ZNF519: variants seen among roughly 807,000 people sequenced by gnomAD.
The protein encoded by ZNF519 is zinc finger protein 519, also known as similar to Zinc finger protein 85 (Zinc finger protein HPF4) (HTF1).
In ZNF519, 7 loss-of-function variants were observed where a neutral mutation model predicts 7.4. The ratio of observed to expected loss-of-function variants is 0.94; its 90% CI spans 0.54 to 1.77. ZNF519 has a LOEUF of 1.77. Among genes scored for constraint, ZNF519 ranks in the 40% most tolerant of loss-of-function variants. The pLI, the probability that ZNF519 is intolerant of heterozygous loss-of-function variation, is 0.00. For synonymous variants in ZNF519, 179 were observed against 203.3 expected, an observed-to-expected ratio of 0.88 and a Z score of 1.02; for missense variants, 586 against 623.1, an observed-to-expected ratio of 0.94 and a Z score of 0.63.
In ZNF519 at chr18:14,077,901, A is replaced by G. The variant is rs1204132140; in HGVS notation, c.*276+299T>C. 3.9e-5 allele frequency among the ~76,000 whole-genome samples: 6 copies of G among 152,192 alleles called. No homozygotes were observed. The South Asian group carries it at 1.2e-3, about 32-fold the overall frequency. Reference sequence around the variant, plus strand: ...CAATAGACTGGTAAAGAATGTATCAATAGGTTACGGTGCAAATAGGCAGTC... The same window carrying G: ...CAATAGACTGGTAAAGAATGTATCAGTAGGTTACGGTGCAAATAGGCAGTC... On this transcript the variant is annotated intron_variant and NMD_transcript_variant, in intron 4 of 4. Transcript: ENST00000587419.
intron 2 of ZNF519, among the ~76,000 whole-genome samples, chr18:14,115,807 C>T (rs1156754189): frequency 6.6e-6 from 1 of 152,066 alleles, no homozygotes; most frequent in Non-Finnish European, 1.5e-5. Flanking sequence ...CACAAAAAGA[C>T]AAATACTATA....
chr18:14,117,187 G>T (rs2046250203), intron 2 of ZNF519, among the ~76,000 whole-genome samples: 1 of 152,086 alleles, frequency 6.6e-6, no homozygotes, highest in African/African-American at 2.4e-5. Flanking sequence ...AAAAAAAATT[G>T]TATGTTTGAC....
In ZNF519 at chr18:14,105,555, A is replaced by T. The variant is rs376906490; in HGVS notation, c.985T>A (p.Phe329Ile). The change falls in exon 3 of 3, where the codon TTT becomes ATT. Residue 329 changes from phenylalanine to isoleucine, a missense_variant. Coordinates refer to ENST00000590202, the MANE Select transcript of ZNF519 (RefSeq NM_145287.4). Reference protein sequence around the residue: ...PFKCKECGKAFNRGSYLTQHQ... With the variant: ...PFKCKECGKAINRGSYLTQHQ... ...TGAGTAAGGTATGAGCCTCTGTTAAAAGCTTTGCCACATTCCTTACACTTG... is the reference window on the plus strand; with the variant it reads ...TGAGTAAGGTATGAGCCTCTGTTAATAGCTTTGCCACATTCCTTACACTTG... The T allele has an allele frequency of 1.2e-6, 2 of 1,614,062 alleles. No homozygotes were observed. Among genetic ancestry groups the T allele is most frequent in the Non-Finnish European group, 1.7e-6 (2 of 1,180,004 alleles).
chr18:14,124,355 G>C lies in ZNF519; in HGVS notation c.125C>G (p.Ser42Cys), dbSNP rs201198742. The change falls in exon 2 of 3, where the codon TCC (serine) becomes TGC (cysteine). Residue 42 changes from serine (S) to cysteine (C), a missense_variant. By Grantham distance (112) the Ser-to-Cys change is moderately radical. Transcript: ENST00000590202. ...VMLENYRNLV[S>C]LAVYSYYNQG... ...TGTATTGAAGTTATTCTCACCCAGG[G>C]AGACGAGGTTTCTGTAGTTCTCCAA... The C allele has an allele frequency of 5.4e-5, 87 of 1,602,862 alleles. No individual in the cohort carries two copies. The highest frequency in any genetic ancestry group is 1.7e-4 in the Middle Eastern group (1 of 6,034).
At chr18:14,084,124 T>C (rs1372114443) in intron 3 of ZNF519, 2 of 152,036 alleles carry the variant, frequency 1.3e-5, no homozygotes, top group Non-Finnish European at 2.9e-5. Context: ...CATTGCAGAG[T>C]CAGAGATTAG....
rs756393676 is a variant in ZNF519, at chr18:14,124,383, T to C, written c.97A>G (p.Met33Val). The part of the protein sequence containing the change: ...PAQQNLYRDV[M>V]LENYRNLVSL... ...ACGAGGTTTCTGTAGTTCTCCAACATCACATCTCTATATAAATTCTGTTGG... is the reference window on the plus strand; with the variant it reads ...ACGAGGTTTCTGTAGTTCTCCAACACCACATCTCTATATAAATTCTGTTGG... The change falls in exon 2 of 3, where the codon ATG becomes GTG. Residue 33 changes from methionine to valine, a missense_variant. Physicochemically the swap from Met to Val is conservative, Grantham distance 21 (BLOSUM62 1). Transcript: ENST00000590202. The C allele has an allele frequency of 3.4e-5, 54 of 1,611,398 alleles. No homozygotes were observed. The highest frequency in any genetic ancestry group is 3.8e-5 in the Non-Finnish European group (45 of 1,179,400).
At chr18:14,088,523 A>AAGCACAGAG (rs1329975407) in intron 2 of ZNF519, among the ~76,000 whole-genome samples, 1 of 152,244 alleles carries the variant, frequency 6.6e-6, no homozygotes, top group East Asian at 1.9e-4. Flanking sequence ...ATTAAAACCC[A>AAGCACAGAG]AGCACAGAGA....
intron 4 of ZNF519, among the ~76,000 whole-genome samples, chr18:14,077,962 T>A (rs960936006): frequency 1.3e-5 from 2 of 152,170 alleles, no homozygotes. Flanking sequence ...ACCCGTTCCA[T>A]GGATGGGAAG....
chr18:14,106,477 A>C (rs1483415832), intron 2 of ZNF519, 68 bp from the exon 3 acceptor site: 1 of 1,399,548 alleles, frequency 7.1e-7, no homozygotes, highest in East Asian at 2.4e-5. Flanking sequence ...TACAAATCTA[A>C]TATGAAATTT....
Position 14,105,351 on chromosome 18 carries a change from T to C in ZNF519, c.1189A>G (p.Met397Val). ...RSSYVTQHQR[M>V]HTGEKPFKCK... The stretch of plus-strand genomic sequence containing the variant: ...TTGAAAGGTTTCTCTCCAGTATGCA[T>C]TCTCTGATGCTGAGTAACGTATGAG... The change falls in exon 3 of 3, where the codon ATG (methionine) becomes GTG (valine). Residue 397 changes from methionine (M) to valine (V), a missense_variant. Coordinates refer to ENST00000590202, the MANE Select transcript of ZNF519 (RefSeq NM_145287.4). The C allele has an allele frequency of 6.2e-7, 1 of 1,614,090 alleles. No homozygotes were observed. The highest frequency in any genetic ancestry group is 8.5e-7 in the Non-Finnish European group (1 of 1,180,004).
chr18:14,093,118 C>T (rs2046121082), intron 2 of ZNF519, among the ~76,000 whole-genome samples: 1 of 152,158 alleles, frequency 6.6e-6, no homozygotes, highest in South Asian at 2.1e-4. Context: ...ACAGGCATTC[C>T]TTTGAAATGT....
chr18:14,124,182 A>T, intron 2 of ZNF519, 168 bp downstream of exon 2: 1 of 615,816 alleles, frequency 1.6e-6, no homozygotes, highest in Non-Finnish European at 2.4e-6. Flanking sequence ...TCAATTAAAA[A>T]AAAAAAAAAA....
rs1266267956 is a variant in ZNF519, at chr18:14,100,115, CATT to C, written c.*4799_*4801del. 5 of 152,090 alleles carry C rather than the reference CATT, an allele frequency of 3.3e-5. No individual in the cohort carries two copies. The highest frequency in any genetic ancestry group is 2.1e-4 in the South Asian group (1 of 4,826). The allele number at this position is 152,090 out of a possible 1,614,324, so 9.4% of individuals were successfully genotyped here. On this transcript the variant is annotated 3_prime_UTR_variant, in exon 3 of 3. Transcript: ENST00000590202. Reference sequence around the variant, plus strand: ...TATGAGAACATTAAATAAAGTTCAACATTATTATCCTTTAGAAAAATGTACATT... The same window carrying C: ...TATGAGAACATTAAATAAAGTTCAACATTATCCTTTAGAAAAATGTACATT...
At position 14,102,060 on chromosome 18, in the gene ZNF519, T is replaced by C. The variant is rs1217143003; in HGVS notation, c.*2857A>G. The C allele has an allele frequency of 1.2e-5, 3 of 246,620 alleles. No homozygotes were observed. Among genetic ancestry groups the C allele is most frequent in the East Asian group, 7.5e-5 (1 of 13,316 alleles). 15.3% of individuals were successfully genotyped at this position (246,620 alleles called of 1,614,324 possible). On this transcript the variant is annotated 3_prime_UTR_variant, in exon 3 of 3. Coordinates refer to ENST00000590202, the MANE Select transcript of ZNF519 (RefSeq NM_145287.4). ...GTAGACCACAAATGAACAATCTTTG[T>C]CAACACCATTTTGTTAATTTGTGTT... is the stretch of plus-strand genomic sequence containing the variant.
intron 1 of ZNF519, among the ~76,000 whole-genome samples, chr18:14,126,908 G>A (rs969082159): frequency 1.4e-4 from 21 of 152,182 alleles, no homozygotes; most frequent in Non-Finnish European, 2.9e-4. Context: ...CGTCCCCAGT[G>A]ACTATGGGCT....
chr18:14,098,844 C>G (rs556889370), downstream of ZNF519, among the ~76,000 whole-genome samples: 4 of 152,286 alleles, frequency 2.6e-5, no homozygotes, highest in African/African-American at 9.6e-5. Context: ...CTGGAAAGCA[C>G]TGAGTATGTG....
At chr18:14,078,483 C>T (rs1001373906) in intron 3 of ZNF519, among the ~76,000 whole-genome samples, 1 of 152,028 alleles carries the variant, frequency 6.6e-6, no homozygotes, top group Non-Finnish European at 1.5e-5. Flanking sequence ...CAAAAATGTA[C>T]CATGTTCATA....
At chr18:14,115,201 C>T (rs963780630) in intron 2 of ZNF519, among the ~76,000 whole-genome samples, 15 of 152,190 alleles carry the variant, frequency 9.9e-5, no homozygotes, top group Non-Finnish European at 1.8e-4. Context: ...TCTCCCAGTA[C>T]AGCATGGTAC....
rs2046155146 is a variant in ZNF519 at position 14,100,400 on chromosome 18, C to CACTG, written c.*4513_*4516dup. 6.6e-6 allele frequency: 1 copy of CACTG among 152,150 alleles called. No homozygotes were observed. Among genetic ancestry groups the CACTG allele is most frequent in the Admixed American group, 6.5e-5 (1 of 15,270 alleles). The allele number at this position is 152,150 out of a possible 1,614,324, so 9.4% of individuals were successfully genotyped here. ...AGCACTTTTATTCATAATAGCCACA[C>CACTG]ACTGACTGAAAACAACAAATATGTT... On this transcript the variant is annotated 3_prime_UTR_variant, in exon 3 of 3. Transcript: ENST00000590202.
Sources: gnomAD v4.1 joint callset for allele counts (sites outside exome capture counted in the v4.1 genomes callset) on GRCh38, gnomAD v4.1.1 for gene constraint, MANE v1.5 for transcripts, NCBI Gene and HGNC (gene_info 2026-07-23, HGNC 2026-07-21) for gene names.